The following TAF3 variants were observed in gnomAD, a reference collection of about 807,000 sequenced individuals.
The protein encoded by TAF3 is TATA-box binding protein associated factor 3.
Under a neutral mutation model 80.6 loss-of-function variants are expected in TAF3, and 7 were observed. The observed-to-expected ratio is 0.09, with a 90% CI of 0.05 to 0.16. The LOEUF is 0.16. TAF3 is among the 10% of genes least tolerant of loss of function. TAF3 has a pLI of 1.00. For missense variants in TAF3, 921 were observed against 1,140.2 expected (o/e 0.81, Z 2.77); for synonymous variants, 444 against 446.1 (o/e 1.00, Z 0.06).
At chr10:7,968,145 C>T (rs1190480599) in intron 3 of TAF3, among the ~76,000 whole-genome samples, 2 of 152,144 alleles carry the variant, frequency 1.3e-5, no homozygotes, top group Admixed American at 1.3e-4. Flanking sequence ...TAAAGTGAGA[C>T]ATATCTGCTC....
chr10:7,978,826 A>T (rs1219080491), intron 4 of TAF3, among the ~76,000 whole-genome samples: 1 of 152,136 alleles, frequency 6.6e-6, no homozygotes, highest in Non-Finnish European at 1.5e-5. Context: ...CTTAATCTTG[A>T]CTCCCACACA....
intron 2 of TAF3, among the ~76,000 whole-genome samples, chr10:7,850,689 A>G (rs1407122548): frequency 2.0e-5 from 3 of 151,140 alleles, no homozygotes; most frequent in Non-Finnish European, 4.4e-5. Context: ...AAAAAAAAAT[A>G]TATATGTATA....
At chr10:7,939,693 A>G (rs1837959710) in intron 2 of TAF3, among the ~76,000 whole-genome samples, 1 of 151,990 alleles carries the variant, frequency 6.6e-6, no homozygotes. Flanking sequence ...GAGCCAGAGC[A>G]AGTTAGAAAT....
At chr10:7,865,775 G>C (rs781329426) in intron 2 of TAF3, among the ~76,000 whole-genome samples, 2 of 152,224 alleles carry the variant, frequency 1.3e-5, no homozygotes, top group Non-Finnish European at 1.5e-5. Context: ...GTCAAACCTC[G>C]AACAGCAGCA....
intron 2 of TAF3, among the ~76,000 whole-genome samples, chr10:7,920,455 A>G (rs192191343): frequency 2.6e-5 from 4 of 151,146 alleles, no homozygotes; most frequent in African/African-American, 9.7e-5. Context: ...TATGCTTTGC[A>G]TTTTGTTCTG....
At chr10:7,989,065 G>C (rs1050984406) in intron 4 of TAF3, among the ~76,000 whole-genome samples, 6 of 152,000 alleles carry the variant, frequency 3.9e-5, no homozygotes, top group South Asian at 4.2e-4. Flanking sequence ...GTGGTGGCAG[G>C]GCTGGTCTAT....
At chr10:7,936,420 C>T (rs1052184468) in intron 2 of TAF3, among the ~76,000 whole-genome samples, 3 of 151,886 alleles carry the variant, frequency 2.0e-5, no homozygotes, top group African/African-American at 7.2e-5. Context: ...CAAATGTCAG[C>T]AAATTCTTTT....
At chr10:7,999,610 C>T (rs1484305613) in intron 4 of TAF3, among the ~76,000 whole-genome samples, 3 of 152,126 alleles carry the variant, frequency 2.0e-5, no homozygotes, top group African/African-American at 7.2e-5. Flanking sequence ...GTGGATACCA[C>T]CATGCCCGGC....
intron 2 of TAF3, among the ~76,000 whole-genome samples, chr10:7,914,239 G>C (rs1837684430): frequency 6.6e-6 from 1 of 152,162 alleles, no homozygotes; most frequent in Admixed American, 6.5e-5. Flanking sequence ...TTACTTACTG[G>C]TGAAATAATC....
intron 2 of TAF3, among the ~76,000 whole-genome samples, chr10:7,919,171 C>T (rs912395729): frequency 6.6e-6 from 1 of 152,106 alleles, no homozygotes; most frequent in Non-Finnish European, 1.5e-5. Flanking sequence ...AATTAGAATC[C>T]AGTTGGATGT....
chr10:7,955,730 T>A (rs1470289332), intron 2 of TAF3, among the ~76,000 whole-genome samples: 1 of 152,246 alleles, frequency 6.6e-6, no homozygotes, highest in Admixed American at 6.5e-5. Flanking sequence ...AAAATCCTTT[T>A]GGTGTGTCAG....
intron 2 of TAF3, among the ~76,000 whole-genome samples, chr10:7,882,861 G>A (rs570464245): frequency 1.1e-4 from 16 of 152,254 alleles, no homozygotes; most frequent in South Asian, 4.1e-4. Context: ...TATTCTTTAC[G>A]TAGATTCCCC....
chr10:7,872,213 ATTTTTTTTTT>A (rs34945620), intron 2 of TAF3, among the ~76,000 whole-genome samples: 2 of 121,972 alleles, frequency 1.6e-5, no homozygotes, highest in African/African-American at 6.2e-5. Context: ...TGTTGGGTTG[ATTTTTTTTTT>A]TTTTTTTTTT....
intron 3 of TAF3, among the ~76,000 whole-genome samples, chr10:7,976,030 A>G (rs1029402799): frequency 2.0e-5 from 3 of 152,164 alleles, no homozygotes; most frequent in Non-Finnish European, 2.9e-5. Flanking sequence ...TAATTTGGAA[A>G]TGCAGAGCTT....
chr10:8,001,140 C>T (rs1409664841), intron 4 of TAF3, among the ~76,000 whole-genome samples: 1 of 152,168 alleles, frequency 6.6e-6, no homozygotes, highest in Non-Finnish European at 1.5e-5. Context: ...TACCCCAGAC[C>T]TTTACACAGC....
At chr10:7,844,479 C>T (rs962888449) in intron 2 of TAF3, among the ~76,000 whole-genome samples, 4 of 150,744 alleles carry the variant, frequency 2.7e-5, no homozygotes, top group Non-Finnish European at 4.4e-5. Flanking sequence ...TGGGTTCAAG[C>T]GATTCCCCTG....
intron 4 of TAF3, among the ~76,000 whole-genome samples, chr10:7,998,184 C>T (rs2131432811): frequency 6.7e-6 from 1 of 149,506 alleles, no homozygotes; most frequent in Admixed American, 6.7e-5. Context: ...GTCTTGTCAA[C>T]ACTGAGTAGC....
At chr10:7,833,910 C>T (rs1239994105) in intron 2 of TAF3, 24 of 678,938 alleles carry the variant, frequency 3.5e-5, no homozygotes, top group Non-Finnish European at 4.8e-5. Context: ...CTGCACAGTG[C>T]GTGTGGAAGT....
chr10:7,898,406 CATG>C, intron 2 of TAF3, among the ~76,000 whole-genome samples: 1 of 152,086 alleles, frequency 6.6e-6, no homozygotes, highest in Non-Finnish European at 1.5e-5. Flanking sequence ...ATTAGCTGGG[CATG>C]ATGGCGGGTG....
Sources: gnomAD v4.1 joint callset for allele counts (sites outside exome capture counted in the v4.1 genomes callset) on GRCh38, gnomAD v4.1.1 for gene constraint, MANE v1.5 for transcripts, NCBI Gene and HGNC (gene_info 2026-07-23, HGNC 2026-07-21) for gene names.